HSD17B4: variants seen among roughly 807,000 people sequenced by gnomAD.
The protein encoded by HSD17B4 is peroxisomal multifunctional enzyme type 2.
In HSD17B4, 70 loss-of-function variants were observed where a neutral mutation model predicts 101.0. That is an observed-to-expected ratio of 0.69 (90% CI 0.57 to 0.85). HSD17B4 has a LOEUF of 0.85. HSD17B4 is among the 40% of genes least tolerant of loss of function. The probability of loss-of-function intolerance (pLI) is 0.00; values close to 1 mark genes in which losing one functional copy is unlikely to be tolerated. For synonymous variants in HSD17B4, 347 were observed against 297.1 expected, an observed-to-expected ratio of 1.17 and a Z score of -1.73; for missense variants, 984 against 892.4, an observed-to-expected ratio of 1.10 and a Z score of -1.31.
At chr5:119,527,570 A>G (rs1213811525) in intron 20 of HSD17B4, among the ~76,000 whole-genome samples, 1 of 152,130 alleles carries the variant, frequency 6.6e-6, no homozygotes, top group Non-Finnish European at 1.5e-5. Flanking sequence ...AAAAATTTAA[A>G]GGCATGACTC....
chr5:119,536,378 T>C, intron 22 of HSD17B4, 45 bp from the exon 23 acceptor site: 1 of 1,587,554 alleles, frequency 6.3e-7, no homozygotes, highest in Non-Finnish European at 8.6e-7. Context: ...CCTCATTTTG[T>C]TGGAGAGAAA....
chr5:119,457,813 A>G (rs527638071), intron 2 of HSD17B4, among the ~76,000 whole-genome samples: 1 of 152,308 alleles, frequency 6.6e-6, no homozygotes, highest in South Asian at 2.1e-4. Context: ...TCTTTGTGCA[A>G]AGAAGGTACT....
In HSD17B4 at chr5:119,452,573, T is replaced by C. The variant is rs1169408908; in HGVS notation, c.-3T>C. 6.2e-7 allele frequency: 1 copy of C among 1,613,870 alleles called. No individual in the cohort carries two copies. Among genetic ancestry groups the C allele is most frequent in the Non-Finnish European group, 8.5e-7 (1 of 1,179,982 alleles). Reference sequence around the variant, plus strand: ...CGTGTGTGTGTCGTTGCAGGCCTTATTCATGGGCTCACCGCTGAGGTTCGA... The same window carrying C: ...CGTGTGTGTGTCGTTGCAGGCCTTACTCATGGGCTCACCGCTGAGGTTCGA... On this transcript the variant is annotated 5_prime_UTR_variant, in exon 1 of 24. Transcript: ENST00000510025.
intron 20 of HSD17B4, among the ~76,000 whole-genome samples, chr5:119,529,062 T>C (rs901039126): frequency 9.9e-5 from 15 of 152,218 alleles, no homozygotes; most frequent in African/African-American, 3.6e-4. Context: ...TTTCAATGTA[T>C]GTAATTTGAA....
intron 12 of HSD17B4, among the ~76,000 whole-genome samples, chr5:119,498,560 A>G (rs1366863342): frequency 6.6e-6 from 1 of 152,072 alleles, no homozygotes; most frequent in Non-Finnish European, 1.5e-5. Flanking sequence ...TGGGAAGGAA[A>G]TTCAAGTTAA....
chr5:119,493,630 A>G (rs1036526166), intron 10 of HSD17B4, 188 bp from the exon 11 acceptor site: 8 of 554,584 alleles, frequency 1.4e-5, no homozygotes, highest in African/African-American at 3.8e-5. Context: ...ATGTTTCTTT[A>G]AATTGACCTT....
chr5:119,493,520 G>A (rs1750306277), intron 10 of HSD17B4: 2 of 327,682 alleles, frequency 6.1e-6, no homozygotes, highest in East Asian at 7.6e-5. Flanking sequence ...GTCTTTTGAT[G>A]TGATTATTAT....
intron 17 of HSD17B4, among the ~76,000 whole-genome samples, chr5:119,517,210 G>A (rs1752698845): frequency 6.6e-6 from 1 of 152,216 alleles, no homozygotes; most frequent in Non-Finnish European, 1.5e-5. Context: ...CAGCTGGCCG[G>A]CCCTGCTGGC....
intron 12 of HSD17B4, among the ~76,000 whole-genome samples, chr5:119,498,955 A>C (rs1283481714): frequency 6.6e-6 from 1 of 152,218 alleles, no homozygotes; most frequent in Non-Finnish European, 1.5e-5. Flanking sequence ...ATCTGTTTAC[A>C]GTGAACTTTA....
In HSD17B4 at chr5:119,452,526, G is replaced by C. The variant is rs773802223; in HGVS notation, c.-50G>C. 5 of 1,613,364 alleles carry C rather than the reference G, an allele frequency of 3.1e-6. No individual in the cohort carries two copies. The highest frequency in any genetic ancestry group is 2.2e-5 in the East Asian group (1 of 44,856). On this transcript the variant is annotated 5_prime_UTR_variant, in exon 1 of 24. Transcript: ENST00000510025. ...CCCGCCTCCTCCTGTCCCGCAGTCG[G>C]CGTCCAGCGGCTCTGCTTGTTCGTG... is the stretch of plus-strand genomic sequence containing the variant.
intron 9 of HSD17B4, 30 bp from the exon 10 acceptor site, chr5:119,492,070 G>A: frequency 1.9e-6 from 3 of 1,569,446 alleles, no homozygotes; most frequent in Non-Finnish European, 2.6e-6. Flanking sequence ...CACATTAGAT[G>A]GTATAATGTT....
chr5:119,458,508 ATTTTT>A, intron 2 of HSD17B4, among the ~76,000 whole-genome samples: 1 of 136,300 alleles, frequency 7.3e-6, no homozygotes. Flanking sequence ...AGCCTGGCTA[ATTTTT>A]TTTTTTTTTT....
At chr5:119,533,441 C>A (rs983236566) in intron 22 of HSD17B4, among the ~76,000 whole-genome samples, 2 of 151,788 alleles carry the variant, frequency 1.3e-5, no homozygotes, top group Non-Finnish European at 2.9e-5. Context: ...AGGAGAGGGC[C>A]TATGTGGAAC....
chr5:119,510,197 A>G (rs1388156686), intron 16 of HSD17B4, among the ~76,000 whole-genome samples: 1 of 152,240 alleles, frequency 6.6e-6, no homozygotes, highest in Non-Finnish European at 1.5e-5. Flanking sequence ...TGAGTTAAGT[A>G]TAATGTATCT....
intron 8 of HSD17B4, among the ~76,000 whole-genome samples, chr5:119,479,993 G>A (rs1748970368): frequency 1.3e-5 from 2 of 151,922 alleles, no homozygotes; most frequent in Admixed American, 6.6e-5. Flanking sequence ...TCACATCCTC[G>A]CCAGCATTTT....
intron 8 of HSD17B4, among the ~76,000 whole-genome samples, chr5:119,485,841 T>C (rs1334854590): frequency 6.6e-6 from 1 of 152,220 alleles, no homozygotes; most frequent in African/African-American, 2.4e-5. Flanking sequence ...TGCTCTGCAG[T>C]AAACTACTCT....
intron 20 of HSD17B4, among the ~76,000 whole-genome samples, chr5:119,529,367 C>G (rs1198071303): frequency 6.6e-6 from 1 of 152,086 alleles, no homozygotes; most frequent in Non-Finnish European, 1.5e-5. Flanking sequence ...TGAAATAAGA[C>G]CTGGAATTAC....
At chr5:119,490,342 T>G (rs1472166518) in intron 9 of HSD17B4, among the ~76,000 whole-genome samples, 1 of 152,174 alleles carries the variant, frequency 6.6e-6, no homozygotes, top group Non-Finnish European at 1.5e-5. Context: ...TGCTCTACTT[T>G]TACCTCATTA....
chr5:119,485,064 A>C (rs1325649221), intron 8 of HSD17B4, among the ~76,000 whole-genome samples: 2 of 152,160 alleles, frequency 1.3e-5, no homozygotes, highest in Non-Finnish European at 2.9e-5. Flanking sequence ...CTCACTTCTC[A>C]ACCCAAGAAT....
Sources: gnomAD v4.1 joint callset for allele counts (sites outside exome capture counted in the v4.1 genomes callset) on GRCh38, gnomAD v4.1.1 for gene constraint, MANE v1.5 for transcripts, NCBI Gene and HGNC (gene_info 2026-07-23, HGNC 2026-07-21) for gene names.